PAWR: variants seen among roughly 807,000 people sequenced by gnomAD.
The protein encoded by PAWR is pro-apoptotic WT1 regulator.
A neutral mutation model predicts 32.0 loss-of-function variants in PAWR; 23 were observed. The observed-to-expected ratio is 0.72, with a 90% CI of 0.52 to 1.02. The LOEUF (loss-of-function observed/expected upper bound fraction) is 1.02. Ranked by LOEUF, PAWR falls within the 50% of genes least tolerant of loss-of-function variation. The pLI, the probability that PAWR is intolerant of heterozygous loss-of-function variation, is 0.00. For synonymous variants in PAWR, 226 were observed against 187.1 expected (o/e 1.21, Z -1.70); for missense variants, 457 against 437.7 (o/e 1.04, Z -0.39).
At chr12:79,615,881 ACT>A (rs932257248) in intron 3 of PAWR, among the ~76,000 whole-genome samples, 1 of 151,654 alleles carries the variant, frequency 6.6e-6, no homozygotes, top group African/African-American at 2.4e-5. Flanking sequence ...ACATGGTGAA[ACT>A]CTTATCTCTA....
intron 2 of PAWR, among the ~76,000 whole-genome samples, chr12:79,630,957 T>A (rs1273706095): frequency 6.6e-6 from 1 of 151,088 alleles, no homozygotes; most frequent in Non-Finnish European, 1.5e-5. Flanking sequence ...GCATAAAAAA[T>A]GCAAAATATA....
intron 2 of PAWR, among the ~76,000 whole-genome samples, chr12:79,660,950 T>C (rs1369241779): frequency 1.3e-5 from 2 of 151,246 alleles, no homozygotes; most frequent in African/African-American, 2.4e-5. Context: ...TCCATATAGC[T>C]AAGAAAAAAA....
intron 2 of PAWR, among the ~76,000 whole-genome samples, chr12:79,638,219 A>G (rs1876061015): frequency 6.6e-6 from 1 of 151,820 alleles, no homozygotes. Context: ...AACTCTCACC[A>G]AATATATTAG....
chr12:79,657,145 A>G (rs1179840126), intron 2 of PAWR, among the ~76,000 whole-genome samples: 2 of 152,346 alleles, frequency 1.3e-5, no homozygotes, highest in African/African-American at 2.4e-5. Context: ...AGGGTGCTCA[A>G]TGAAGCTAGA....
intron 2 of PAWR, among the ~76,000 whole-genome samples, chr12:79,643,341 A>AC (rs1876420584): frequency 6.6e-6 from 1 of 152,168 alleles, no homozygotes; most frequent in Non-Finnish European, 1.5e-5. Context: ...TCAAAGAAGT[A>AC]ATGAAAATAT....
chr12:79,641,579 T>A (rs1876322509), intron 2 of PAWR, among the ~76,000 whole-genome samples: 1 of 152,132 alleles, frequency 6.6e-6, no homozygotes, highest in South Asian at 2.1e-4. Context: ...CCAGGCGCGG[T>A]GGCTCACGCC....
chr12:79,626,593 T>A (rs1875338551), intron 2 of PAWR, among the ~76,000 whole-genome samples: 1 of 151,580 alleles, frequency 6.6e-6, no homozygotes, highest in Admixed American at 6.6e-5. Flanking sequence ...TTTTTTTTAA[T>A]TTTATTATTA....
chr12:79,592,839 C>T (rs954494639), intron 6 of PAWR, 146 bp from the exon 7 acceptor site: 4 of 522,318 alleles, frequency 7.7e-6, no homozygotes, highest in African/African-American at 6.0e-5. Flanking sequence ...ATGTAATATG[C>T]CCCACCAAAA....
chr12:79,679,295 G>A (rs1186101842), intron 2 of PAWR, among the ~76,000 whole-genome samples: 4 of 152,140 alleles, frequency 2.6e-5, no homozygotes, highest in African/African-American at 9.7e-5. Context: ...AAAAAATGCT[G>A]CAGCATATGA....
At chr12:79,612,782 G>A (rs1874499795) in intron 4 of PAWR, among the ~76,000 whole-genome samples, 1 of 152,100 alleles carries the variant, frequency 6.6e-6, no homozygotes, top group Admixed American at 6.5e-5. Context: ...GGCCTCAACA[G>A]GGAAGAAGGA....
intron 5 of PAWR, among the ~76,000 whole-genome samples, chr12:79,595,778 G>A (rs1873727707): frequency 6.6e-6 from 1 of 152,102 alleles, no homozygotes; most frequent in African/African-American, 2.4e-5. Context: ...CTTGAACCTG[G>A]GAAGTGGAGG....
intron 4 of PAWR, among the ~76,000 whole-genome samples, chr12:79,610,945 C>T (rs962629412): frequency 4.0e-5 from 6 of 151,096 alleles, no homozygotes; most frequent in Non-Finnish European, 7.4e-5. Context: ...ACACATTCCA[C>T]GAAAGTCAAT....
At chr12:79,661,508 AT>A (rs1472803993) in intron 2 of PAWR, among the ~76,000 whole-genome samples, 2 of 152,152 alleles carry the variant, frequency 1.3e-5, no homozygotes, top group African/African-American at 4.8e-5. Flanking sequence ...AAATTTTATC[AT>A]GGACATGTCA....
intron 2 of PAWR, among the ~76,000 whole-genome samples, chr12:79,666,593 G>C (rs1231435673): frequency 6.6e-6 from 1 of 152,112 alleles, no homozygotes; most frequent in East Asian, 1.9e-4. Context: ...CAAACTAAAG[G>C]ATGAAGCAGA....
chr12:79,593,641 C>G (rs1276587562), intron 6 of PAWR, among the ~76,000 whole-genome samples: 1 of 148,652 alleles, frequency 6.7e-6, no homozygotes, highest in Non-Finnish European at 1.5e-5. Context: ...GCCTGGGCAA[C>G]AGAGAGAGAC....
chr12:79,662,583 T>C (rs1877403079), intron 2 of PAWR, among the ~76,000 whole-genome samples: 1 of 152,212 alleles, frequency 6.6e-6, no homozygotes. Flanking sequence ...CAAGCTGACC[T>C]AGAATTCAGT....
chr12:79,656,631 T>C (rs1040831044), intron 2 of PAWR, among the ~76,000 whole-genome samples: 2 of 152,094 alleles, frequency 1.3e-5, no homozygotes, highest in African/African-American at 4.8e-5. Flanking sequence ...AGCACACAGG[T>C]CTCAAGCTCA....
chr12:79,656,831 C>G (rs1158864199), intron 2 of PAWR, among the ~76,000 whole-genome samples: 1 of 152,058 alleles, frequency 6.6e-6, no homozygotes, highest in African/African-American at 2.4e-5. Context: ...CCCTGAGAGA[C>G]AGAAAACAAA....
intron 3 of PAWR, 32 bp downstream of exon 3, chr12:79,621,044 A>T: frequency 6.5e-7 from 1 of 1,541,438 alleles, no homozygotes; most frequent in Non-Finnish European, 8.8e-7. Flanking sequence ...ATTAAAATAG[A>T]TAGTGACTTC....
Sources: gnomAD v4.1 joint callset for allele counts (sites outside exome capture counted in the v4.1 genomes callset) on GRCh38, gnomAD v4.1.1 for gene constraint, MANE v1.5 for transcripts, NCBI Gene and HGNC (gene_info 2026-07-23, HGNC 2026-07-21) for gene names.